The following ATP8A2 variants were observed in gnomAD, a reference collection of about 807,000 sequenced individuals.
ATP8A2 encodes the protein ATPase phospholipid transporting 8A2.
A neutral mutation model predicts 165.6 loss-of-function variants in ATP8A2; 100 were observed. The observed-to-expected ratio is 0.60, with a 90% CI of 0.51 to 0.71. ATP8A2 has a LOEUF of 0.71. Among genes scored for constraint, ATP8A2 ranks in the 30% least tolerant of loss-of-function variants. The pLI, the probability that ATP8A2 is intolerant of heterozygous loss-of-function variation, is 0.00. For missense variants in ATP8A2, 1,227 were observed against 1,479.5 expected (o/e 0.83, Z 2.80); for synonymous variants, 543 against 548.8 (o/e 0.99, Z 0.15).
At chr13:25,577,226 C>G in intron 20 of ATP8A2, 88 bp downstream of exon 20, 1 of 1,127,194 alleles carries the variant, frequency 8.9e-7, no homozygotes, top group East Asian at 2.4e-5. Context: ...CTCATCATTC[C>G]CTGATTGTTT....
At chr13:25,913,020 G>C (rs1471712697) in intron 33 of ATP8A2, among the ~76,000 whole-genome samples, 3 of 152,178 alleles carry the variant, frequency 2.0e-5, no homozygotes, top group Non-Finnish European at 2.9e-5. Context: ...CCTACGTGTA[G>C]GTTCCTGCTT....
At chr13:25,863,868 T>C (rs1293181610) in intron 33 of ATP8A2, among the ~76,000 whole-genome samples, 2 of 152,182 alleles carry the variant, frequency 1.3e-5, no homozygotes, top group Non-Finnish European at 2.9e-5. Context: ...GACAAACATA[T>C]AACATGCTTT....
At chr13:25,932,342 T>C (rs1954789973) in intron 33 of ATP8A2, among the ~76,000 whole-genome samples, 1 of 152,126 alleles carries the variant, frequency 6.6e-6, no homozygotes, top group Admixed American at 6.5e-5. Context: ...GATTCCTTGG[T>C]GTCTGTTTTG....
chr13:25,848,927 CTT>C (rs1951941823), intron 30 of ATP8A2, among the ~76,000 whole-genome samples: 1 of 151,580 alleles, frequency 6.6e-6, no homozygotes, highest in African/African-American at 2.4e-5. Context: ...TATCTTCACT[CTT>C]GATGTAAATC....
intron 27 of ATP8A2, among the ~76,000 whole-genome samples, chr13:25,811,826 A>G (rs1417640921): frequency 1.3e-5 from 2 of 152,180 alleles, no homozygotes; most frequent in African/African-American, 4.8e-5. Context: ...GTGCCACTGC[A>G]CTCCAGCCTG....
At chr13:25,943,279 C>T (rs888577494) in intron 33 of ATP8A2, among the ~76,000 whole-genome samples, 1 of 152,198 alleles carries the variant, frequency 6.6e-6, no homozygotes, top group African/African-American at 2.4e-5. Flanking sequence ...CCTCTCCTCA[C>T]TCAAATTACT....
intron 1 of ATP8A2, among the ~76,000 whole-genome samples, chr13:25,400,744 G>A (rs2033610867): frequency 2.0e-5 from 3 of 152,190 alleles, no homozygotes; most frequent in African/African-American, 7.2e-5. Flanking sequence ...GACTCTTGCT[G>A]TAACGGTGCA....
intron 6 of ATP8A2, among the ~76,000 whole-genome samples, chr13:25,535,094 A>C (rs1393631309): frequency 6.6e-6 from 1 of 152,182 alleles, no homozygotes; most frequent in Non-Finnish European, 1.5e-5. Context: ...AGATCAGGAA[A>C]GTCTGCCCTC....
At chr13:25,707,357 C>CTGT (rs1256749759) in intron 25 of ATP8A2, among the ~76,000 whole-genome samples, 2 of 152,168 alleles carry the variant, frequency 1.3e-5, no homozygotes, top group Non-Finnish European at 2.9e-5. Flanking sequence ...CAATTTCTAA[C>CTGT]TGTTAGGGAT....
intron 2 of ATP8A2, among the ~76,000 whole-genome samples, chr13:25,525,045 A>G (rs1414642445): frequency 6.6e-6 from 1 of 150,748 alleles, no homozygotes; most frequent in East Asian, 2.0e-4. Flanking sequence ...TTTTTGGTGT[A>G]TCTATTATAG....
intron 24 of ATP8A2, among the ~76,000 whole-genome samples, chr13:25,644,938 A>G (rs2041632568): frequency 6.6e-6 from 1 of 151,932 alleles, no homozygotes; most frequent in Non-Finnish European, 1.5e-5. Flanking sequence ...TTTGAGTCGT[A>G]TTTTGGGTTA....
At chr13:25,635,264 G>A (rs1409494144) in intron 24 of ATP8A2, among the ~76,000 whole-genome samples, 1 of 152,160 alleles carries the variant, frequency 6.6e-6, no homozygotes, top group African/African-American at 2.4e-5. Context: ...GCTAAGATTG[G>A]GGAAGGTTAA....
chr13:25,960,609 A>G (rs1022858406), intron 33 of ATP8A2, among the ~76,000 whole-genome samples: 24 of 152,070 alleles, frequency 1.6e-4, no homozygotes, highest in Non-Finnish European at 3.2e-4. Context: ...CCAGCCTCCC[A>G]ATTCCTAGCC....
rs989265072 is a variant in ATP8A2 at position 25,970,262 on chromosome 13, C to T, written c.3377+1583C>T. Among the ~76,000 whole-genome samples the T allele has an allele frequency of 9.2e-5, 14 of 152,258 alleles. No homozygotes were observed. In the East Asian group the frequency reaches 9.6e-4, roughly 10 times the overall value. On this transcript the variant is annotated intron_variant, in intron 35 of 36. Coordinates refer to ENST00000381655, the MANE Select transcript of ATP8A2 (RefSeq NM_016529.6). The stretch of plus-strand genomic sequence containing the variant: ...AACTCCTCTCAAACATTTTACAGGA[C>T]GACATCACATATAATGTGGTGTGAG...
chr13:25,510,733 G>A lies in ATP8A2; in HGVS notation c.222-19266G>A, dbSNP rs945902606. 2.0e-4 allele frequency among the ~76,000 whole-genome samples: 30 copies of A among 152,112 alleles called. 1 individual carries two copies. Among genetic ancestry groups the A allele is most frequent in the African/African-American group, 6.8e-4 (28 of 41,436 alleles). The stretch of plus-strand genomic sequence containing the variant: ...TACTAGCTCTTTTGTGGTGGAAGCA[G>A]TATAGAAACAAACTGGGTCTTTAGT... On this transcript the variant is annotated intron_variant, in intron 2 of 36. Coordinates refer to ENST00000381655, the MANE Select transcript of ATP8A2 (RefSeq NM_016529.6).
intron 25 of ATP8A2, among the ~76,000 whole-genome samples, chr13:25,721,014 G>A (rs2043369102): frequency 6.7e-6 from 1 of 149,322 alleles, no homozygotes; most frequent in African/African-American, 2.5e-5. Flanking sequence ...CATCCAGGCT[G>A]GAGTGCAGTG....
chr13:25,852,783 CCTGA>C (rs1402488810), intron 30 of ATP8A2, among the ~76,000 whole-genome samples: 3 of 151,864 alleles, frequency 2.0e-5, no homozygotes, highest in African/African-American at 7.3e-5. Context: ...TCGCGGCCAG[CCTGA>C]CTAACATGGT....
chr13:25,403,410 C>T (rs2033701313), intron 1 of ATP8A2, among the ~76,000 whole-genome samples: 1 of 152,122 alleles, frequency 6.6e-6, no homozygotes, highest in South Asian at 2.1e-4. Flanking sequence ...CCAGGCCAGT[C>T]CAGCTTAGTT....
intron 26 of ATP8A2, among the ~76,000 whole-genome samples, chr13:25,769,658 C>A (rs1021206519): frequency 6.7e-6 from 1 of 148,754 alleles, no homozygotes; most frequent in East Asian, 2.0e-4. Flanking sequence ...TGTTGGGACA[C>A]CCCCTGGCTA....
Sources: allele counts gnomAD v4.1 joint callset (sites outside exome capture counted in the v4.1 genomes callset), GRCh38; gene constraint gnomAD v4.1.1; transcripts MANE v1.5; gene names NCBI Gene and HGNC (gene_info 2026-07-23, HGNC 2026-07-21).